Variants in MGAT4C observed in about 807,000 individuals in gnomAD.
MGAT4C encodes alpha-1,3-mannosyl-glycoprotein 4-beta-N-acetylglucosaminyltransferase C.
MGAT4C carries 19 observed loss-of-function variants against 40.1 expected under a neutral mutation model. The ratio of observed to expected loss-of-function variants is 0.47; its 90% CI spans 0.33 to 0.70. MGAT4C has a LOEUF of 0.70. MGAT4C is among the 30% of genes least tolerant of loss of function. MGAT4C has a pLI of 0.02. For synonymous variants in MGAT4C, 181 were observed against 187.1 expected, an observed-to-expected ratio of 0.97 and a Z score of 0.27; for missense variants, 491 against 563.2, an observed-to-expected ratio of 0.87 and a Z score of 1.30.
chr12:86,596,955 A>G (rs940122876), intron 2 of MGAT4C, among the ~76,000 whole-genome samples: 2 of 152,208 alleles, frequency 1.3e-5, no homozygotes, highest in Non-Finnish European at 2.9e-5. Context: ...TTCTTCTTTT[A>G]GGGTCTAGAC....
intron 2 of MGAT4C, among the ~76,000 whole-genome samples, chr12:86,567,015 G>T (rs576727486): frequency 6.6e-6 from 1 of 152,146 alleles, no homozygotes; most frequent in East Asian, 1.9e-4. Context: ...GAAGCAGCTG[G>T]ATTAATACAA....
intron 3 of MGAT4C, among the ~76,000 whole-genome samples, chr12:86,397,835 T>C (rs1956287719): frequency 6.6e-6 from 1 of 152,102 alleles, no homozygotes; most frequent in Non-Finnish European, 1.5e-5. Context: ...TGGTGGAGCG[T>C]GCCCGTAGTC....
At chr12:86,131,258 G>C (rs115669529) in intron 1 of MGAT4C, among the ~76,000 whole-genome samples, 561 of 152,148 alleles carry the variant, frequency 3.7e-3, no homozygotes, top group African/African-American at 0.013. Flanking sequence ...CATGGATCTA[G>C]AAGCTGATAG....
chr12:86,512,692 T>C (rs1405626053), intron 2 of MGAT4C, among the ~76,000 whole-genome samples: 2 of 152,102 alleles, frequency 1.3e-5, no homozygotes, highest in Non-Finnish European at 2.9e-5. Flanking sequence ...GGATAAATAC[T>C]GCATGATCCC....
chr12:86,397,127 G>A (rs1956277147), intron 3 of MGAT4C, among the ~76,000 whole-genome samples: 1 of 151,976 alleles, frequency 6.6e-6, no homozygotes, highest in Non-Finnish European at 1.5e-5. Context: ...TGCCTTTATA[G>A]CACTTGCCAT....
At chr12:86,338,958 C>CAAAAA (rs67462771) in intron 3 of MGAT4C, among the ~76,000 whole-genome samples, 29 of 66,110 alleles carry the variant, frequency 4.4e-4, no homozygotes, top group Middle Eastern at 0.012. Context: ...GACTCCATCT[C>CAAAAA]AAAAAAAAAA....
chr12:85,987,053 T>C (rs981693632), intron 3 of MGAT4C, among the ~76,000 whole-genome samples: 2 of 151,698 alleles, frequency 1.3e-5, no homozygotes, highest in African/African-American at 2.4e-5. Flanking sequence ...GGGATGAGTG[T>C]TGGAATTTAG....
intron 3 of MGAT4C, among the ~76,000 whole-genome samples, chr12:86,371,158 C>T (rs1955707639): frequency 6.6e-6 from 1 of 151,992 alleles, no homozygotes; most frequent in African/African-American, 2.4e-5. Flanking sequence ...GAAAATTCCT[C>T]TTCCTTTCCT....
chr12:86,744,300 T>C (rs888456018), intron 1 of MGAT4C, among the ~76,000 whole-genome samples: 1 of 150,708 alleles, frequency 6.6e-6, no homozygotes, highest in Non-Finnish European at 1.5e-5. Context: ...AATAGGTTGC[T>C]AAGGAAAAAA....
chr12:86,643,531 T>C (rs1963451610), intron 2 of MGAT4C, among the ~76,000 whole-genome samples: 1 of 151,832 alleles, frequency 6.6e-6, no homozygotes, highest in African/African-American at 2.4e-5. Context: ...AAATACTGAC[T>C]CATGCTACAA....
chr12:86,653,096 T>C (rs1430924311), intron 2 of MGAT4C, among the ~76,000 whole-genome samples: 2 of 151,936 alleles, frequency 1.3e-5, no homozygotes, highest in African/African-American at 2.4e-5. Context: ...TTGTGGAGTA[T>C]GCTGTAGAAT....
chr12:86,279,848 T>G (rs1435583015), intron 4 of MGAT4C, among the ~76,000 whole-genome samples: 1 of 152,030 alleles, frequency 6.6e-6, no homozygotes, highest in Non-Finnish European at 1.5e-5. Flanking sequence ...CCCATTGTCA[T>G]TTGTTTCAAG....
intron 1 of MGAT4C, among the ~76,000 whole-genome samples, chr12:86,755,088 A>G (rs927770577): frequency 1.3e-5 from 2 of 152,148 alleles, no homozygotes; most frequent in African/African-American, 4.8e-5. Flanking sequence ...TGTGGCTAAA[A>G]CCTACAATCA....
intron 2 of MGAT4C, among the ~76,000 whole-genome samples, chr12:86,667,088 T>A (rs1464938421): frequency 6.6e-6 from 1 of 152,190 alleles, no homozygotes; most frequent in Non-Finnish European, 1.5e-5. Flanking sequence ...ACTTTCATGG[T>A]ACAAAACAGA....
intron 2 of MGAT4C, chr12:86,011,708 C>T (rs1888477480): frequency 5.6e-6 from 2 of 355,500 alleles, no homozygotes; most frequent in Non-Finnish European, 7.9e-6. Flanking sequence ...AACTTAGGGT[C>T]CCAGTGTAAA....
At chr12:86,507,333 C>T (rs1958488307) in intron 2 of MGAT4C, among the ~76,000 whole-genome samples, 1 of 152,120 alleles carries the variant, frequency 6.6e-6, no homozygotes, top group Non-Finnish European at 1.5e-5. Context: ...GTATGTTTTC[C>T]ATTCCACTAA....
intron 2 of MGAT4C, among the ~76,000 whole-genome samples, chr12:86,591,640 TTAAAC>T (rs1421320254): frequency 1.3e-5 from 2 of 151,806 alleles, no homozygotes; most frequent in African/African-American, 2.4e-5. Flanking sequence ...GATGATATAT[TTAAAC>T]TAATACACAT....
intron 4 of MGAT4C, among the ~76,000 whole-genome samples, chr12:86,317,548 A>C (rs1275759639): frequency 6.6e-6 from 1 of 152,126 alleles, no homozygotes; most frequent in African/African-American, 2.4e-5. Flanking sequence ...TGTTCTTTTG[A>C]GTATGACATT....
chr12:85,994,224 C>T (rs1442297759), intron 2 of MGAT4C, among the ~76,000 whole-genome samples: 1 of 152,188 alleles, frequency 6.6e-6, no homozygotes, highest in Admixed American at 6.5e-5. Context: ...ATACAGAAGT[C>T]CTTAGAGAAT....
Sources: gnomAD v4.1 joint callset for allele counts (sites outside exome capture counted in the v4.1 genomes callset) on GRCh38, gnomAD v4.1.1 for gene constraint, MANE v1.5 for transcripts, NCBI Gene and HGNC (gene_info 2026-07-23, HGNC 2026-07-21) for gene names.